The following SLC25A26 variants were observed in gnomAD, a reference collection of about 807,000 sequenced individuals.
The protein encoded by SLC25A26 is mitochondrial S-adenosylmethionine carrier protein.
SLC25A26 carries 36 observed loss-of-function variants against 37.8 expected under a neutral mutation model. The ratio of observed to expected loss-of-function variants is 0.95; its 90% CI spans 0.73 to 1.26. The LOEUF is 1.26. SLC25A26 is among the 50% of genes most tolerant of loss of function. The pLI, the probability that SLC25A26 is intolerant of heterozygous loss-of-function variation, is 0.00. For synonymous variants in SLC25A26, 129 were observed against 122.5 expected (o/e 1.05, Z -0.35); for missense variants, 390 against 331.1 (o/e 1.18, Z -1.38).
chr3:66,326,205 A>C (rs887903530), intron 5 of SLC25A26, among the ~76,000 whole-genome samples: 2 of 152,356 alleles, frequency 1.3e-5, no homozygotes, highest in Non-Finnish European at 2.9e-5. Context: ...ATTGCCGGAC[A>C]TACAGAGTGC....
chr3:66,335,566 C>G (rs1045953591), intron 5 of SLC25A26, among the ~76,000 whole-genome samples: 2 of 152,174 alleles, frequency 1.3e-5, no homozygotes, highest in African/African-American at 4.8e-5. Context: ...GACCCGGGTT[C>G]TCCCCTAACT....
chr3:66,314,177 G>A (rs1360621540), intron 5 of SLC25A26, among the ~76,000 whole-genome samples: 1 of 152,124 alleles, frequency 6.6e-6, no homozygotes, highest in Non-Finnish European at 1.5e-5. Flanking sequence ...TGGTGAGCGA[G>A]GGCATCCTTC....
chr3:66,377,519 G>C (rs894162149), intron 9 of SLC25A26, among the ~76,000 whole-genome samples, 171 bp from the exon 10 acceptor site: 8 of 151,976 alleles, frequency 5.3e-5, no homozygotes. Flanking sequence ...GAAAGTTTTA[G>C]AACTACTGTT....
intron 6 of SLC25A26, among the ~76,000 whole-genome samples, chr3:66,360,301 A>G (rs1011444761): frequency 6.6e-5 from 10 of 152,224 alleles, no homozygotes; most frequent in Admixed American, 1.3e-4. Context: ...CTAACCATTT[A>G]AATTAATATA....
At chr3:66,167,064 G>T (rs1253985801) in intron 1 of SLC25A26, among the ~76,000 whole-genome samples, 1 of 152,128 alleles carries the variant, frequency 6.6e-6, no homozygotes, top group Non-Finnish European at 1.5e-5. Flanking sequence ...TGATTGTGAG[G>T]CCTCCCCAGC....
intron 5 of SLC25A26, among the ~76,000 whole-genome samples, chr3:66,284,195 A>G (rs1002721649): frequency 6.6e-6 from 1 of 152,012 alleles, no homozygotes; most frequent in African/African-American, 2.4e-5. Context: ...AAAAATTTTT[A>G]AAAAATTGCT....
At chr3:66,322,083 T>C (rs1046691141) in intron 5 of SLC25A26, among the ~76,000 whole-genome samples, 1 of 152,094 alleles carries the variant, frequency 6.6e-6, no homozygotes, top group African/African-American at 2.4e-5. Flanking sequence ...CACATGAACT[T>C]TGGGGGACAC....
intron 3 of SLC25A26, among the ~76,000 whole-genome samples, chr3:66,255,012 A>G (rs13068257): frequency 0.14 from 21,406 of 152,194 alleles, 2,150 homozygotes; most frequent in African/African-American, 0.26. Context: ...GGCTGTGGCA[A>G]TGAAAGAACC....
chr3:66,205,424 G>A (rs1490930916), intron 1 of SLC25A26, among the ~76,000 whole-genome samples: 1 of 152,188 alleles, frequency 6.6e-6, no homozygotes, highest in African/African-American at 2.4e-5. Context: ...ATTGGAATGG[G>A]GGTGCTTGCA....
At chr3:66,180,952 C>T (rs2070693674) in intron 1 of SLC25A26, among the ~76,000 whole-genome samples, 1 of 152,010 alleles carries the variant, frequency 6.6e-6, no homozygotes. Context: ...GAAAGAGACA[C>T]CAGGAGTGTA....
In SLC25A26 at chr3:66,362,856, A is replaced by C; in HGVS notation, c.499-4A>C. Reference sequence around the variant, plus strand: ...CTTGTATTTTTCTTTCTCCTTAAACACAGGCCCTCTGGTCCTGGAGGCAGG... The same window carrying C: ...CTTGTATTTTTCTTTCTCCTTAAACCCAGGCCCTCTGGTCCTGGAGGCAGG... On this transcript the variant is annotated splice_polypyrimidine_tract_variant and splice_region_variant and intron_variant, in intron 6 of 9. Transcript: ENST00000354883. The C allele has an allele frequency of 6.3e-7, 1 of 1,592,424 alleles. No individual in the cohort carries two copies. Among genetic ancestry groups the C allele is most frequent in the Non-Finnish European group, 8.6e-7 (1 of 1,169,172 alleles).
chr3:66,178,124 C>G (rs1479194825), intron 1 of SLC25A26, among the ~76,000 whole-genome samples: 1 of 152,148 alleles, frequency 6.6e-6, no homozygotes, highest in Admixed American at 6.5e-5. Flanking sequence ...TCCATATAGT[C>G]AAGTCAGATT....
chr3:66,226,278 G>A (rs1553660570), intron 1 of SLC25A26, among the ~76,000 whole-genome samples: 2 of 152,190 alleles, frequency 1.3e-5, no homozygotes, highest in Admixed American at 1.3e-4. Flanking sequence ...GAGAGCGTAT[G>A]CAGGAGAACT....
At chr3:66,289,656 C>A (rs1576803555) in intron 5 of SLC25A26, among the ~76,000 whole-genome samples, 1 of 152,136 alleles carries the variant, frequency 6.6e-6, no homozygotes, top group South Asian at 2.1e-4. Context: ...TCTGAGGCCT[C>A]TGTTCTGTCC....
chr3:66,246,324 C>G (rs1396352593), intron 3 of SLC25A26, among the ~76,000 whole-genome samples: 1 of 152,096 alleles, frequency 6.6e-6, no homozygotes, highest in African/African-American at 2.4e-5. Context: ...AGTTATTTTG[C>G]CATGTTGAAG....
chr3:66,240,555 ATG>A (rs1338934855), intron 2 of SLC25A26, among the ~76,000 whole-genome samples: 17 of 151,752 alleles, frequency 1.1e-4, no homozygotes, highest in African/African-American at 4.1e-4. Flanking sequence ...GGGATTACTG[ATG>A]TGGGCCACTG....
intron 6 of SLC25A26, among the ~76,000 whole-genome samples, chr3:66,348,547 A>G (rs1312300077): frequency 2.0e-5 from 3 of 152,236 alleles, no homozygotes; most frequent in African/African-American, 2.4e-5. Flanking sequence ...TCATAATTTT[A>G]TAGATTGACT....
At chr3:66,296,237 G>A (rs2074899017) in intron 5 of SLC25A26, among the ~76,000 whole-genome samples, 1 of 152,180 alleles carries the variant, frequency 6.6e-6, no homozygotes, top group Non-Finnish European at 1.5e-5. Flanking sequence ...GAAGCATGTG[G>A]ACAGGGATGA....
chr3:66,297,461 TTC>T, intron 5 of SLC25A26, among the ~76,000 whole-genome samples: 1 of 152,336 alleles, frequency 6.6e-6, no homozygotes, highest in Admixed American at 6.5e-5. Context: ...TTTGTGGCTG[TTC>T]TTTATCAAAA....
Sources: gnomAD v4.1 joint callset for allele counts (sites outside exome capture counted in the v4.1 genomes callset) on GRCh38, gnomAD v4.1.1 for gene constraint, MANE v1.5 for transcripts, NCBI Gene and HGNC (gene_info 2026-07-23, HGNC 2026-07-21) for gene names.